MAF: variants seen among roughly 807,000 people sequenced by gnomAD.
MAF encodes MAF bZIP transcription factor, also known as transcription factor Maf.
In MAF, 10 loss-of-function variants were observed where a neutral mutation model predicts 22.0. The observed-to-expected ratio is 0.45, with a 90% CI of 0.28 to 0.77. The LOEUF (loss-of-function observed/expected upper bound fraction) is 0.77. Among genes scored for constraint, MAF ranks in the 30% least tolerant of loss-of-function variants. MAF has a pLI of 0.12. For synonymous variants in MAF, 337 were observed against 255.8 expected (o/e 1.32, Z -3.03); for missense variants, 544 against 548.4 (o/e 0.99, Z 0.08).
At chr16:79,582,879 C>G (rs1300963445), downstream of MAF, among the ~76,000 whole-genome samples, 1 of 152,142 alleles carries the variant, frequency 6.6e-6, no homozygotes, top group East Asian at 1.9e-4. Context: ...TTTAGAAGCC[C>G]TGGGGGGCCT....
At chr16:79,437,215 G>C in the MAF span, among the ~76,000 whole-genome samples, 1 of 152,026 alleles carries the variant, frequency 6.6e-6, no homozygotes, top group South Asian at 2.1e-4. Context: ...AAGGAAGAGA[G>C]CATGCTGTAA....
the MAF span, among the ~76,000 whole-genome samples, chr16:79,522,483 A>T: frequency 6.6e-6 from 1 of 152,232 alleles, no homozygotes; most frequent in Non-Finnish European, 1.5e-5. Flanking sequence ...CAACTCAAAA[A>T]TACAGCTGAT....
At chr16:79,566,938 T>C in the MAF span, among the ~76,000 whole-genome samples, 77 of 152,340 alleles carry the variant, frequency 5.1e-4, no homozygotes, top group African/African-American at 1.8e-3. Flanking sequence ...GAATACCTCT[T>C]AGGGCATTTT....
At chr16:79,205,526 C>T in the MAF span, 3 of 152,220 alleles carry the variant, frequency 2.0e-5, no homozygotes, top group African/African-American at 4.8e-5. Context: ...ATGGATTCTC[C>T]AGAACACTTT....
chr16:79,376,510 T>C, the MAF span, among the ~76,000 whole-genome samples: 4 of 151,940 alleles, frequency 2.6e-5, no homozygotes, highest in Non-Finnish European at 5.9e-5. Flanking sequence ...GAGAATACAT[T>C]ATTTTATTTT....
At chr16:79,392,863 C>T in the MAF span, among the ~76,000 whole-genome samples, 15 of 152,320 alleles carry the variant, frequency 9.8e-5, no homozygotes, top group South Asian at 2.7e-3. Flanking sequence ...CTGTGGGAAT[C>T]CACTGCTGTA....
chr16:79,578,481 T>C, the MAF span, among the ~76,000 whole-genome samples: 1 of 152,206 alleles, frequency 6.6e-6, no homozygotes, highest in Non-Finnish European at 1.5e-5. Flanking sequence ...TTTTATTATG[T>C]AGTGCTTTGT....
the MAF span, among the ~76,000 whole-genome samples, chr16:79,479,806 G>A: frequency 5.9e-5 from 9 of 152,162 alleles, no homozygotes; most frequent in Non-Finnish European, 1.2e-4. Context: ...TGGCATTGTT[G>A]ACCTCATGTT....
At chr16:79,227,309 C>T in the MAF span, among the ~76,000 whole-genome samples, 2 of 152,188 alleles carry the variant, frequency 1.3e-5, no homozygotes, top group South Asian at 4.1e-4. Context: ...CTTGATTGTG[C>T]CACTGCACTC....
the MAF span, among the ~76,000 whole-genome samples, chr16:79,578,417 A>G: frequency 1.9e-4 from 29 of 152,186 alleles, no homozygotes; most frequent in Admixed American, 7.2e-4. Flanking sequence ...ATTGATACTC[A>G]TGATCAATTT....
At chr16:79,216,168 T>A in the MAF span, among the ~76,000 whole-genome samples, 7,170 of 144,796 alleles carry the variant, frequency 0.05, 354 homozygotes, top group African/African-American at 0.15. Context: ...ATGTATGTCG[T>A]GCACGTGTAT....
At chr16:79,395,374 A>C in the MAF span, among the ~76,000 whole-genome samples, 1 of 152,206 alleles carries the variant, frequency 6.6e-6, no homozygotes, top group East Asian at 1.9e-4. Flanking sequence ...CAGGTTGAAT[A>C]GGGTTTTCTC....
At chr16:79,583,701 T>C (rs1480810164), downstream of MAF, among the ~76,000 whole-genome samples, 1 of 152,240 alleles carries the variant, frequency 6.6e-6, no homozygotes, top group African/African-American at 2.4e-5. Context: ...TTGTGTTGTC[T>C]CCTTGTCACA....
chr16:79,391,335 A>G, the MAF span, among the ~76,000 whole-genome samples: 1 of 152,192 alleles, frequency 6.6e-6, no homozygotes, highest in East Asian at 1.9e-4. Context: ...TTATTATACT[A>G]GATTTTTGGG....
At chr16:79,474,045 G>C in the MAF span, among the ~76,000 whole-genome samples, 3 of 152,028 alleles carry the variant, frequency 2.0e-5, no homozygotes, top group African/African-American at 7.3e-5. Context: ...AAAAGACAGA[G>C]GGCACAGGAG....
rs1208481890 is a variant in MAF at position 79,598,786 on chromosome 16, T to A, written c.1117A>T (p.Ile373Leu). The A allele has an allele frequency of 8.1e-6, 13 of 1,613,718 alleles. No homozygotes were observed. The highest frequency in any genetic ancestry group is 1.1e-5 in the Non-Finnish European group (13 of 1,179,980). ...SDNPSSPEFF[I>L]TEPTRKLEPS... Reference sequence around the variant, plus strand: ...GCTGGAATCGCGTGTCAGACTCACATGAAAAACTCGGGAGAGGACGGGTTG... The same window carrying A: ...GCTGGAATCGCGTGTCAGACTCACAAGAAAAACTCGGGAGAGGACGGGTTG... The change falls in exon 1 of 2, where the codon ATA (isoleucine) becomes TTA (leucine). Residue 373 changes from isoleucine (I) to leucine (L), a missense_variant and splice_region_variant. Physicochemically the swap from Ile to Leu is conservative, Grantham distance 5 (BLOSUM62 2). Around this residue, in one of 5 missense-constraint regions of MAF, gnomAD observed 129 missense variants for 113.6 expected, o/e 1.14. Coordinates refer to ENST00000326043, the MANE Select transcript of MAF (RefSeq NM_005360.5).
chr16:79,271,958 G>C, the MAF span, among the ~76,000 whole-genome samples: 1 of 152,190 alleles, frequency 6.6e-6, no homozygotes, highest in African/African-American at 2.4e-5. Context: ...ACAGGATATG[G>C]GATCCAAGAG....
chr16:79,289,504 A>T, the MAF span, among the ~76,000 whole-genome samples: 1 of 152,140 alleles, frequency 6.6e-6, no homozygotes, highest in Non-Finnish European at 1.5e-5. Context: ...AGAAGCTGAG[A>T]GTACTTGATT....
the MAF span, among the ~76,000 whole-genome samples, chr16:79,280,837 G>T: frequency 6.6e-6 from 1 of 152,200 alleles, no homozygotes; most frequent in Non-Finnish European, 1.5e-5. Context: ...CTAAGACAGC[G>T]TGGGAACATT....
Sources: allele counts gnomAD v4.1 joint callset (sites outside exome capture counted in the v4.1 genomes callset), GRCh38; gene constraint gnomAD v4.1.1; regional missense constraint gnomAD v4.1.1; transcripts MANE v1.5; gene names NCBI Gene and HGNC (gene_info 2026-07-23, HGNC 2026-07-21).